FOCAD: variants seen among roughly 807,000 people sequenced by gnomAD.
FOCAD encodes focadhesin, also known as KIAA1797.
Under a neutral mutation model 225.6 loss-of-function variants are expected in FOCAD, and 198 were observed. That is an observed-to-expected ratio of 0.88 (90% CI 0.78 to 0.99). FOCAD has a LOEUF of 0.99. FOCAD is among the 50% of genes least tolerant of loss of function. The pLI is 0.00. For missense variants in FOCAD, 2,713 were observed against 2,123.6 expected, an observed-to-expected ratio of 1.28 and a Z score of -5.46; for synonymous variants, 897 against 755.0, an observed-to-expected ratio of 1.19 and a Z score of -3.08.
At chr9:20,682,729 C>A (rs1435857233), upstream of FOCAD, among the ~76,000 whole-genome samples, 1 of 152,142 alleles carries the variant, frequency 6.6e-6, no homozygotes, top group African/African-American at 2.4e-5. Flanking sequence ...TCCTTTGAAG[C>A]AAAGGATAAC....
intron 1 of FOCAD, among the ~76,000 whole-genome samples, chr9:20,691,940 A>AT (rs886260767): frequency 5.9e-5 from 9 of 152,048 alleles, no homozygotes; most frequent in Middle Eastern, 6.8e-3. Context: ...CACCAGGCTA[A>AT]TTTTTTTATT....
intron 15 of FOCAD, among the ~76,000 whole-genome samples, chr9:20,831,005 GA>G (rs1825433555): frequency 6.6e-6 from 1 of 152,012 alleles, no homozygotes; most frequent in South Asian, 2.1e-4. Flanking sequence ...GGATGTTTTT[GA>G]AATTCATTTT....
At chr9:20,744,121 A>G (rs1347964421) in intron 5 of FOCAD, among the ~76,000 whole-genome samples, 1 of 152,200 alleles carries the variant, frequency 6.6e-6, no homozygotes, top group Admixed American at 6.5e-5. Flanking sequence ...CCATGGCCCC[A>G]ACACATGTTA....
At chr9:20,687,845 C>T (rs564717158) in intron 1 of FOCAD, among the ~76,000 whole-genome samples, 17 of 152,240 alleles carry the variant, frequency 1.1e-4, no homozygotes, top group African/African-American at 3.9e-4. Context: ...ATTAGTCGTT[C>T]ACATAGTATA....
chr9:20,808,038 CTCCG>C lies in FOCAD; in HGVS notation c.1456-11755_1456-11752del, dbSNP rs1216973809. On this transcript the variant is annotated intron_variant, in intron 11 of 43. Transcript: ENST00000338382. ...TGTATTCTAGGGCGACAGAGTGAGA[CTCCG>C]TCTAAGAAAAAAAAAAAGAAAGAAC... 5.3e-5 allele frequency among the ~76,000 whole-genome samples: 8 copies of C among 151,224 alleles called. No homozygotes were observed. In the South Asian group the frequency reaches 6.3e-4, roughly 12 times the overall value.
intron 28 of FOCAD, among the ~76,000 whole-genome samples, chr9:20,938,821 A>T (rs1360066567): frequency 4.6e-5 from 7 of 152,032 alleles, no homozygotes; most frequent in Non-Finnish European, 7.4e-5. Context: ...ACTTTAGTCT[A>T]CCATATTTAT....
intron 24 of FOCAD, among the ~76,000 whole-genome samples, chr9:20,921,015 A>C (rs1314204773): frequency 2.6e-5 from 4 of 151,342 alleles, no homozygotes; most frequent in Non-Finnish European, 5.9e-5. Context: ...AGGTGAAAAC[A>C]AAAAAAAGTC....
Position 20,758,175 on chromosome 9 carries a change from C to T in FOCAD, c.478C>T (p.Gln160Ter). 6.2e-7 allele frequency: 1 copy of T among 1,611,548 alleles called. No individual in the cohort carries two copies. The highest frequency in any genetic ancestry group is 8.5e-7 in the Non-Finnish European group (1 of 1,178,670). ...VFLQQLTAFF[Q>*]QCPERLEVSC... ...TTTGCAGCAGCTGACAGCGTTTTTC[C>T]AGCAGTGCCCTGAAAGGTAATGTAA... is the stretch of plus-strand genomic sequence containing the variant. Residue 160 changes from glutamine to a stop codon, truncating the protein, a stop_gained, in exon 6 of 44, where the codon CAG becomes TAG. Transcript: ENST00000338382. LOFTEE classifies it high-confidence loss of function.
Position 20,946,716 on chromosome 9 carries a change from C to T in FOCAD, c.3571C>T (p.Leu1191Phe), listed in dbSNP as rs372887152. The T allele has an allele frequency of 2.5e-6, 4 of 1,613,244 alleles. No homozygotes were observed. Among genetic ancestry groups the T allele is most frequent in the Non-Finnish European group, 3.4e-6 (4 of 1,179,490 alleles). ...RTFQEVLAYT[L>F]SCVCTSAFSA... ...TTCTTCTCAGGTCCTTGCCTACACA[C>T]TTAGCTGTGTATGTACATCAGCGTT... Residue 1191 changes from leucine (L) to phenylalanine (F), a missense_variant, in exon 30 of 44, where the codon CTT (leucine) becomes TTT (phenylalanine). Transcript: ENST00000338382.
At chr9:20,914,904 A>T (rs1029617100) in intron 23 of FOCAD, among the ~76,000 whole-genome samples, 4 of 152,320 alleles carry the variant, frequency 2.6e-5, no homozygotes, top group African/African-American at 2.4e-5. Context: ...GTTAGTGTGG[A>T]AAAGTAAATT....
chr9:20,775,164 G>T (rs986931154), intron 8 of FOCAD, among the ~76,000 whole-genome samples: 2 of 152,064 alleles, frequency 1.3e-5, no homozygotes, highest in Admixed American at 6.6e-5. Context: ...CATTGAAAAT[G>T]GATTTATTTC....
chr9:20,721,766 C>G (rs547208740), intron 4 of FOCAD, among the ~76,000 whole-genome samples: 10 of 152,042 alleles, frequency 6.6e-5, no homozygotes, highest in African/African-American at 2.2e-4. Flanking sequence ...TAAATAACCC[C>G]TAGCCTTTTA....
chr9:20,882,150 TTGC>T, intron 20 of FOCAD, 94 bp downstream of exon 20: 1 of 1,041,032 alleles, frequency 9.6e-7, no homozygotes, highest in Non-Finnish European at 1.4e-6. Flanking sequence ...TGGCAGGGTG[TTGC>T]TGCTGCTACT....
intron 15 of FOCAD, among the ~76,000 whole-genome samples, chr9:20,838,326 A>G (rs1053002751): frequency 2.0e-5 from 3 of 151,832 alleles, no homozygotes; most frequent in Non-Finnish European, 2.9e-5. Flanking sequence ...TCTTTTCACA[A>G]TAGCCTGGTG....
upstream of FOCAD, chr9:20,683,676 T>C (rs748414234): frequency 6.6e-6 from 1 of 152,300 alleles, no homozygotes; most frequent in Non-Finnish European, 1.5e-5. Context: ...ACCTCAGGAC[T>C]ATCTAACAAG....
At position 20,799,449 on chromosome 9, in the gene FOCAD, T is replaced by TCCCCCAC. The variant is rs545747710; in HGVS notation, c.1455+9841_1455+9842insCCCCCAC. Among the ~76,000 whole-genome samples the TCCCCCAC allele has an allele frequency of 2.4e-3, 363 of 152,300 alleles. 2 individuals carry two copies. The highest frequency in any genetic ancestry group is 0.017 in the Middle Eastern group (5 of 294). Reference sequence around the variant, plus strand: ...TCTGTCTAATGTTGACAGTGGGGTGTTAAAGTCTCCCATTATTATTGTGTG... The same window carrying TCCCCCAC: ...TCTGTCTAATGTTGACAGTGGGGTGTCCCCCACTAAAGTCTCCCATTATTATTGTGTG... On this transcript the variant is annotated intron_variant, in intron 11 of 43. Transcript: ENST00000338382.
chr9:20,851,238 G>C (rs576005651), intron 15 of FOCAD, among the ~76,000 whole-genome samples: 1 of 149,850 alleles, frequency 6.7e-6, no homozygotes, highest in Non-Finnish European at 1.5e-5. Flanking sequence ...GGGTGGGGGG[G>C]TGTTATTATT....
At chr9:20,780,732 A>G (rs1278935683) in intron 9 of FOCAD, among the ~76,000 whole-genome samples, 3 of 152,222 alleles carry the variant, frequency 2.0e-5, no homozygotes, top group East Asian at 3.8e-4. Flanking sequence ...TTAGATTTAT[A>G]ATTTAGGCTA....
At chr9:20,748,553 A>G (rs1828268371) in intron 5 of FOCAD, among the ~76,000 whole-genome samples, 1 of 152,160 alleles carries the variant, frequency 6.6e-6, no homozygotes, top group Non-Finnish European at 1.5e-5. Context: ...TAGAAAAATC[A>G]GAGAAAGAAG....
Sources: gnomAD v4.1 joint callset for allele counts (sites outside exome capture counted in the v4.1 genomes callset) on GRCh38, gnomAD v4.1.1 for gene constraint, MANE v1.5 for transcripts, NCBI Gene and HGNC (gene_info 2026-07-23, HGNC 2026-07-21) for gene names.